DNAH3: variants seen among roughly 807,000 people sequenced by gnomAD.
DNAH3 encodes dynein axonemal heavy chain 3, also known as axonemal beta dynein heavy chain 3.
In DNAH3, 332 loss-of-function variants were observed where a neutral mutation model predicts 432.5. The observed-to-expected ratio is 0.77, with a 90% CI of 0.70 to 0.84. The LOEUF (loss-of-function observed/expected upper bound fraction) is 0.84, where lower values mean the gene tolerates loss of function less well. Ranked by LOEUF, DNAH3 falls within the 40% of genes least tolerant of loss-of-function variation. The probability of loss-of-function intolerance (pLI) is 0.00; values close to 1 mark genes in which losing one functional copy is unlikely to be tolerated. For missense variants in DNAH3, 4,861 were observed against 5,114.0 expected (o/e 0.95, Z 1.51); for synonymous variants, 1,956 against 1,900.2 (o/e 1.03, Z -0.76).
chr16:21,130,347 C>T (rs1004089358), intron 7 of DNAH3, among the ~76,000 whole-genome samples: 3 of 150,772 alleles, frequency 2.0e-5, no homozygotes, highest in African/African-American at 7.3e-5. Context: ...CACTCTGTCA[C>T]CCAGGCTGGA....
intron 10 of DNAH3, among the ~76,000 whole-genome samples, chr16:21,121,287 A>G (rs901119054): frequency 6.6e-6 from 1 of 152,256 alleles, no homozygotes; most frequent in Non-Finnish European, 1.5e-5. Context: ...AAGTTTGTTA[A>G]TAAGTGTCTG....
At chr16:21,031,138 T>C (rs2152723626) in exon 37 of DNAH3, 2 of 1,614,020 alleles carry the variant, frequency 1.2e-6, no homozygotes, top group South Asian at 2.2e-5. Flanking sequence ...CATCAGAGAG[T>C]GAAGACGCTT....
rs2087128994 is a variant in DNAH3 at position 21,003,468 on chromosome 16, C to G, written c.6023-261G>C. On this transcript the variant is annotated intron_variant, in intron 41 of 61. Coordinates refer to ENST00000261383, the Ensembl canonical transcript of DNAH3. Reference sequence around the variant, plus strand: ...ATTAAATTAGTTTTCATAATGTAAACAGCAAGTATTAAAATAGAACAAGGC... The same window carrying G: ...ATTAAATTAGTTTTCATAATGTAAAGAGCAAGTATTAAAATAGAACAAGGC... Among the ~76,000 whole-genome samples the G allele has an allele frequency of 3.9e-5, 6 of 152,212 alleles. No homozygotes were observed. In the South Asian group the frequency reaches 1.2e-3, roughly 32 times the overall value.
At chr16:21,051,206 A>C (rs1321134072) in intron 29 of DNAH3, among the ~76,000 whole-genome samples, 3 of 152,196 alleles carry the variant, frequency 2.0e-5, no homozygotes, top group African/African-American at 7.2e-5. Context: ...AGTTCACAAA[A>C]TCCCGATCTC....
intron 41 of DNAH3, among the ~76,000 whole-genome samples, chr16:21,013,730 A>T (rs1361994933): frequency 6.6e-6 from 1 of 151,370 alleles, no homozygotes; most frequent in East Asian, 1.9e-4. Flanking sequence ...AAAAAAAAAA[A>T]AAAAAAAAAA....
intron 31 of DNAH3, among the ~76,000 whole-genome samples, chr16:21,045,035 G>T (rs1178129250): frequency 2.6e-4 from 39 of 152,126 alleles, no homozygotes; most frequent in Non-Finnish European, 5.0e-4. Context: ...TACTTGATCA[G>T]GGTGGATAAG....
chr16:20,955,519 C>T lies in DNAH3; in HGVS notation c.10827-462G>A, dbSNP rs144157536. Among the ~76,000 whole-genome samples the T allele has an allele frequency of 3.2e-3, 486 of 151,460 alleles. 3 individuals carry two copies. The highest frequency in any genetic ancestry group is 0.011 in the African/African-American group (458 of 41,188). On this transcript the variant is annotated intron_variant, in intron 54 of 61. Coordinates refer to ENST00000261383, the Ensembl canonical transcript of DNAH3. ...CCCTCTATGTTGCCCAGGCTGGTCT[C>T]GAACTCCAGGGCTCAAGTGATCCTC...
At chr16:21,062,505 T>G (rs575810552) in exon 25 of DNAH3, 1 of 1,614,190 alleles carries the variant, frequency 6.2e-7, no homozygotes, top group Middle Eastern at 1.6e-4. Context: ...GGGTAGATTT[T>G]CTGTATGAAT....
At chr16:21,103,670 T>C (rs1247817655) in intron 16 of DNAH3, among the ~76,000 whole-genome samples, 1 of 152,184 alleles carries the variant, frequency 6.6e-6, no homozygotes, top group Non-Finnish European at 1.5e-5. Context: ...GGTGTAGAAA[T>C]CCCTGCTTTT....
At chr16:21,143,406 A>G (rs934903633) in intron 3 of DNAH3, among the ~76,000 whole-genome samples, 2 of 152,186 alleles carry the variant, frequency 1.3e-5, no homozygotes, top group African/African-American at 4.8e-5. Flanking sequence ...CAGCAAGAAG[A>G]TAGAGAAGAC....
At chr16:21,029,056 G>A (rs2088732573) in intron 37 of DNAH3, among the ~76,000 whole-genome samples, 1 of 152,198 alleles carries the variant, frequency 6.6e-6, no homozygotes, top group Non-Finnish European at 1.5e-5. Flanking sequence ...ACCTGTGACT[G>A]TAGTTTCATT....
intron 19 of DNAH3, among the ~76,000 whole-genome samples, chr16:21,082,449 A>C (rs1470709333): frequency 6.6e-6 from 1 of 152,118 alleles, no homozygotes; most frequent in Non-Finnish European, 1.5e-5. Flanking sequence ...CAATCCTCGC[A>C]CCTTGATCTC....
chr16:21,129,499 G>A (rs2092511601), intron 7 of DNAH3: 1 of 151,082 alleles, frequency 6.6e-6, no homozygotes, highest in African/African-American at 2.4e-5. Flanking sequence ...GGAGGCCAAG[G>A]TGGGTGGATC....
rs1279976240 is a variant in DNAH3, at chr16:21,038,117, A to C, written c.4731-137T>G. On this transcript the variant is annotated intron_variant, in intron 33 of 61. Transcript: ENST00000261383. ...CTTGATGGAGAAGCCCTATCCTTTAAGGATATTTTAATAGAGTTACCATAA... is the reference window on the plus strand; with the variant it reads ...CTTGATGGAGAAGCCCTATCCTTTACGGATATTTTAATAGAGTTACCATAA... 2.8e-5 allele frequency: 19 copies of C among 689,712 alleles called. No individual in the cohort carries two copies. In the East Asian group the frequency reaches 5.1e-4, roughly 19 times the overall value. The allele number at this position is 689,712 out of a possible 1,614,324, so 42.7% of individuals were successfully genotyped here.
At chr16:21,002,408 G>A (rs2087065556) in intron 42 of DNAH3, among the ~76,000 whole-genome samples, 2 of 151,778 alleles carry the variant, frequency 1.3e-5, no homozygotes, top group South Asian at 4.2e-4. Context: ...TTTTTGCTGA[G>A]ATAACTGAGA....
At chr16:21,013,760 G>A (rs1310405624) in intron 41 of DNAH3, among the ~76,000 whole-genome samples, 1 of 150,212 alleles carries the variant, frequency 6.7e-6, no homozygotes, top group East Asian at 1.9e-4. Flanking sequence ...TGAAAGACAG[G>A]CCATCAGTAC....
At chr16:20,939,043 G>A (rs189811083) in intron 59 of DNAH3, among the ~76,000 whole-genome samples, 5 of 152,296 alleles carry the variant, frequency 3.3e-5, no homozygotes, top group Non-Finnish European at 1.5e-5. Context: ...ACAGTGCTGG[G>A]TGGAGTGAGC....
In DNAH3 at chr16:21,085,830, C is replaced by T. The variant is rs768122707; in HGVS notation, c.2877+1019G>A. On this transcript the variant is annotated intron_variant, in intron 19 of 61. Transcript: ENST00000261383. ...TTACCCAGGCTGGAGTGCAGTGACA[C>T]GATCATGGCTCAATGCAGCCTTGAC... is the stretch of plus-strand genomic sequence containing the variant. Among the ~76,000 whole-genome samples the T allele has an allele frequency of 7.2e-5, 11 of 152,100 alleles. No individual in the cohort carries two copies. In the East Asian group the frequency reaches 7.7e-4, roughly 11 times the overall value.
intron 18 of DNAH3, among the ~76,000 whole-genome samples, chr16:21,091,400 A>G (rs995555102): frequency 3.9e-5 from 6 of 152,142 alleles, no homozygotes; most frequent in African/African-American, 1.2e-4. Context: ...AAGAAAATCC[A>G]CCAGAATCAA....
Sources: allele counts gnomAD v4.1 joint callset (sites outside exome capture counted in the v4.1 genomes callset), GRCh38; gene constraint gnomAD v4.1.1; transcripts MANE v1.5; gene names NCBI Gene and HGNC (gene_info 2026-07-23, HGNC 2026-07-21).